Variants in ULBP3 observed in about 807,000 individuals in gnomAD.
ULBP3 encodes UL16-binding protein 3.
Under a neutral mutation model 24.9 loss-of-function variants are expected in ULBP3, and 25 were observed. That is an observed-to-expected ratio of 1.00 (90% CI 0.73 to 1.40). The LOEUF is 1.40. ULBP3 is among the 40% of genes most tolerant of loss of function. ULBP3 has a pLI of 0.00. For synonymous variants in ULBP3, 114 were observed against 114.7 expected, an observed-to-expected ratio of 0.99 and a Z score of 0.04; for missense variants, 306 against 307.5, an observed-to-expected ratio of 1.00 and a Z score of 0.04.
intron 3 of ULBP3, 22 bp from the exon 4 acceptor site, chr6:150,064,735 G>A (rs1314321118): frequency 6.2e-7 from 1 of 1,610,334 alleles, no homozygotes; most frequent in Non-Finnish European, 8.5e-7. Flanking sequence ...ACACAAAAGT[G>A]ACAACTCTTG....
rs1356814275 is a variant in ULBP3, at chr6:150,063,050, C to T, written c.*324G>A. The T allele has an allele frequency of 1.4e-5, 2 of 138,462 alleles. No homozygotes were observed. Among genetic ancestry groups the T allele is most frequent in the African/African-American group, 2.7e-5 (1 of 37,308 alleles). 8.6% of individuals were successfully genotyped at this position (138,462 alleles called of 1,614,324 possible). On this transcript the variant is annotated 3_prime_UTR_variant, in exon 5 of 5. Coordinates refer to ENST00000367339, the MANE Select transcript of ULBP3 (RefSeq NM_024518.3). ...CCGGGAAGCGGAGCTTGCAGTGAGC[C>T]GAGATTGCGCCACTGCAGTCCGCAG... is the stretch of plus-strand genomic sequence containing the variant.
chr6:150,067,264 G>T (rs1260437116), intron 1 of ULBP3, among the ~76,000 whole-genome samples: 1 of 152,148 alleles, frequency 6.6e-6, no homozygotes, highest in African/African-American at 2.4e-5. Flanking sequence ...TTACTAGAAG[G>T]AGAGCCCAGA....
At position 150,061,867 on chromosome 6, in the gene ULBP3, C is replaced by A. The variant is rs928581544; in HGVS notation, c.*1507G>T. 6.6e-6 allele frequency among the ~76,000 whole-genome samples: 1 copy of A among 152,188 alleles called. No individual in the cohort carries two copies. The highest frequency in any genetic ancestry group is 1.5e-5 in the Non-Finnish European group (1 of 68,044). ...TAGCGGCTGAACAAGTTTGCTTTCC[C>A]ACCAACAGTGTCTGTTTCTTTTCCT... On this transcript the variant is annotated 3_prime_UTR_variant, in exon 5 of 5. Coordinates refer to ENST00000367339, the MANE Select transcript of ULBP3 (RefSeq NM_024518.3).
Position 150,063,294 on chromosome 6 carries a change from T to C in ULBP3, c.*80A>G. ...GTGGTGAGTAGACAGGCGGCCTCCC[T>C]GAAGGGAGAGCAGGAACCAGACCAG... is the stretch of plus-strand genomic sequence containing the variant. On this transcript the variant is annotated 3_prime_UTR_variant, in exon 5 of 5. Transcript: ENST00000367339. The C allele has an allele frequency of 4.2e-6, 4 of 960,308 alleles. No homozygotes were observed. Among genetic ancestry groups the C allele is most frequent in the Non-Finnish European group, 3.7e-6 (3 of 807,030 alleles). 59.5% of individuals were successfully genotyped at this position (960,308 alleles called of 1,614,324 possible).
At chr6:150,068,134 A>G (rs1582867180) in intron 1 of ULBP3, among the ~76,000 whole-genome samples, 1 of 152,134 alleles carries the variant, frequency 6.6e-6, no homozygotes, top group Non-Finnish European at 1.5e-5. Flanking sequence ...AGGACACCAC[A>G]TGGCTACACC....
Position 150,065,595 on chromosome 6 carries a change from A to G in ULBP3, c.431T>C (p.Phe144Ser). ...GYIRGSWQFS[F>S]DGRKFLLFDS... ...AAAGAGGAGGAACTTCCGTCCATCG[A>G]AGCTGAACTGCCAAGATCCACGGAT... The change falls in exon 3 of 5, where the codon TTC (phenylalanine) becomes TCC (serine). Residue 144 changes from phenylalanine (F) to serine (S), a missense_variant. Transcript: ENST00000367339. 6.2e-7 allele frequency: 1 copy of G among 1,614,188 alleles called. No individual in the cohort carries two copies. Among genetic ancestry groups the G allele is most frequent in the Non-Finnish European group, 8.5e-7 (1 of 1,180,016 alleles).
At position 150,063,123 on chromosome 6, in the gene ULBP3, A is replaced by G. The variant is rs1158631424; in HGVS notation, c.*251T>C. On this transcript the variant is annotated 3_prime_UTR_variant, in exon 5 of 5. Transcript: ENST00000367339. ...GACTCCGTCTCAAAAAAAAAAAAAA[A>G]CAAAAAAAAAAAAAGAAAAATGGCT... The G allele has an allele frequency of 3.2e-3, 44 of 13,760 alleles. No individual in the cohort carries two copies. Among genetic ancestry groups the G allele is most frequent in the African/African-American group, 0.012 (39 of 3,206 alleles). The allele number at this position is 13,760 out of a possible 1,614,324, so 0.9% of individuals were successfully genotyped here.
chr6:150,064,844 T>C (rs1482265524), intron 3 of ULBP3, 131 bp from the exon 4 acceptor site: 2 of 885,342 alleles, frequency 2.3e-6, no homozygotes, highest in Non-Finnish European at 3.5e-6. Flanking sequence ...GGGCAGCCGC[T>C]GTGACAGGTC....
rs1466212335 is a variant in ULBP3 at position 150,062,602 on chromosome 6, G to C, written c.*772C>G. On this transcript the variant is annotated 3_prime_UTR_variant, in exon 5 of 5. Coordinates refer to ENST00000367339, the MANE Select transcript of ULBP3 (RefSeq NM_024518.3). ...TTAATACAATTCTTGGTCAGTGCATGGAAAGGATCCCTGAGGTCTGAAGTC... is the reference window on the plus strand; with the variant it reads ...TTAATACAATTCTTGGTCAGTGCATCGAAAGGATCCCTGAGGTCTGAAGTC... Among the ~76,000 whole-genome samples the C allele has an allele frequency of 1.3e-5, 2 of 152,172 alleles. No homozygotes were observed. The highest frequency in any genetic ancestry group is 2.9e-5 in the Non-Finnish European group (2 of 68,026).
At chr6:150,065,082 A>ATCTCCTTAG (rs1776325558) in intron 3 of ULBP3, among the ~76,000 whole-genome samples, 1 of 152,126 alleles carries the variant, frequency 6.6e-6, no homozygotes, top group Admixed American at 6.5e-5. Context: ...GGAGGAGGGA[A>ATCTCCTTAG]ATCTAAGGAG....
In ULBP3 at chr6:150,064,681, G is replaced by A; in HGVS notation, c.661C>T (p.Pro221Ser). ...PPTMAPGLAQ[P>S]KAIATTLSPW... is the part of the protein sequence containing the mutation. ...CTGAGGGTGGTGGCTATGGCTTTGG[G>A]TTGAGCTAAGCCTGGGGCCATGGTG... Residue 221 changes from proline (P) to serine (S), a missense_variant, in exon 4 of 5, where the codon CCC becomes TCC. By Grantham distance (74) the Pro-to-Ser change is moderately conservative. Coordinates refer to ENST00000367339, the MANE Select transcript of ULBP3 (RefSeq NM_024518.3). 1.2e-6 allele frequency: 2 copies of A among 1,614,158 alleles called. No homozygotes were observed. The highest frequency in any genetic ancestry group is 3.3e-5 in the Admixed American group (2 of 60,024).
At position 150,065,921 on chromosome 6, in the gene ULBP3, C is replaced by A; in HGVS notation, c.330G>T (p.Glu110Asp). The A allele has an allele frequency of 1.9e-6, 3 of 1,614,216 alleles. No homozygotes were observed. The highest frequency in any genetic ancestry group is 2.5e-6 in the Non-Finnish European group (3 of 1,180,040). The change falls in exon 2 of 5, where the codon GAG becomes GAT. Residue 110 changes from glutamate (E) to aspartate (D), a missense_variant. Glu to Asp is a conservative substitution (Grantham distance 45). Coordinates refer to ENST00000367339, the MANE Select transcript of ULBP3 (RefSeq NM_024518.3). ...QRLRLELADT[E>D]LEDFTPSGPL... ...CACCACTGGGTGTGAAATCCTCCAG[C>A]TCAGTGTCAGCCAGTTCCAGTCTGA...
Position 150,066,029 on chromosome 6 carries a change from A to G in ULBP3, c.222T>C (p.Ser74=), listed in dbSNP as rs372746218. The G allele has an allele frequency of 1.9e-6, 3 of 1,614,084 alleles. No individual in the cohort carries two copies. In the African/African-American group the frequency reaches 4.0e-5, roughly 22 times the overall value. The change falls in exon 2 of 5, where the codon TCT becomes TCC. Residue 74 remains serine (S), a synonymous_variant. Coordinates refer to ENST00000367339, the MANE Select transcript of ULBP3 (RefSeq NM_024518.3). ...SYDCGSDKVL[S]MGHLEEQLYA... ...ACAGCTGCTCTTCTAGGTGACCCAT[A>G]GATAAGACCTTGTCACTGCCACAGT...
At chr6:150,067,170 A>T (rs1776359163) in intron 1 of ULBP3, among the ~76,000 whole-genome samples, 1 of 152,182 alleles carries the variant, frequency 6.6e-6, no homozygotes, top group Non-Finnish European at 1.5e-5. Flanking sequence ...GATGACCAGG[A>T]GGCTGAAAGT....
intron 3 of ULBP3, 36 bp downstream of exon 3, chr6:150,065,362 T>A: frequency 1.9e-6 from 3 of 1,609,890 alleles, no homozygotes; most frequent in Non-Finnish European, 2.5e-6. Flanking sequence ...CTCGATGGCA[T>A]CTCCAACATG....
chr6:150,065,795 G>A (rs1187864960), intron 2 of ULBP3, 104 bp downstream of exon 2: 1 of 1,577,872 alleles, frequency 6.3e-7, no homozygotes, highest in African/African-American at 1.3e-5. Context: ...TGCCCTTGCT[G>A]CTGGGCTTCA....
chr6:150,067,434 G>A (rs75743589), intron 1 of ULBP3, among the ~76,000 whole-genome samples: 10 of 152,264 alleles, frequency 6.6e-5, no homozygotes, highest in African/African-American at 2.4e-4. Flanking sequence ...CTCTTCCCAG[G>A]GATGTGAAGC....
rs139237717 is a variant in ULBP3 at position 150,068,137 on chromosome 6, G to A, written c.88+842C>T. 2.0e-5 allele frequency among the ~76,000 whole-genome samples: 3 copies of A among 152,198 alleles called. No homozygotes were observed. The East Asian group carries it at 5.8e-4, about 30-fold the overall frequency. On this transcript the variant is annotated intron_variant, in intron 1 of 4. Coordinates refer to ENST00000367339, the MANE Select transcript of ULBP3 (RefSeq NM_024518.3). ...GCTCTGATCCCCAGGACACCACATGGCTACACCCCCCCACCCTCAGGTCAC... is the reference window on the plus strand; with the variant it reads ...GCTCTGATCCCCAGGACACCACATGACTACACCCCCCCACCCTCAGGTCAC...
rs1409122095 is a variant in ULBP3, at chr6:150,068,984, C to A, written c.83G>T (p.Arg28Leu). ...GGCTCCATCCCCGAACTCACCGGCC[C>A]GCCCCGTCCCGGACCAGTCGAATAG... Reference protein sequence around the residue: ...YLLFDWSGTGRADAHSLWYNF... With the variant: ...YLLFDWSGTGLADAHSLWYNF... Residue 28 changes from arginine (R) to leucine (L), a missense_variant, in exon 1 of 5, where the codon CGG (arginine) becomes CTG (leucine). By Grantham distance (102) the Arg-to-Leu change is moderately radical (BLOSUM62 -2). Transcript: ENST00000367339. 2 of 1,608,488 alleles carry A rather than the reference C, an allele frequency of 1.2e-6. No individual in the cohort carries two copies. The highest frequency in any genetic ancestry group is 2.7e-5 in the African/African-American group (2 of 74,990).
Sources: allele counts gnomAD v4.1 joint callset (sites outside exome capture counted in the v4.1 genomes callset), GRCh38; gene constraint gnomAD v4.1.1; transcripts MANE v1.5; gene names NCBI Gene and HGNC (gene_info 2026-07-23, HGNC 2026-07-21).